The following EPB41L4A variants were observed in gnomAD, a reference collection of about 807,000 sequenced individuals.
The protein encoded by EPB41L4A is band 4.1-like protein 4A.
Under a neutral mutation model 108.6 loss-of-function variants are expected in EPB41L4A, and 100 were observed. The observed-to-expected ratio is 0.92, with a 90% confidence interval of 0.78 to 1.09. The LOEUF (loss-of-function observed/expected upper bound fraction) is 1.09, where lower values mean the gene tolerates loss of function less well. EPB41L4A is among the 50% of genes least tolerant of loss of function. The pLI is 0.00. For synonymous variants in EPB41L4A, 319 were observed against 289.0 expected (o/e 1.10, Z -1.05); for missense variants, 1,030 against 842.7 (o/e 1.22, Z -2.75).
chr5:112,221,165 C>T (rs916747692), intron 12 of EPB41L4A, among the ~76,000 whole-genome samples: 1 of 152,148 alleles, frequency 6.6e-6, no homozygotes, highest in Non-Finnish European at 1.5e-5. Context: ...GTTGCATACA[C>T]GAGCCTGAAA....
intron 2 of EPB41L4A, among the ~76,000 whole-genome samples, chr5:112,306,626 T>C (rs1037966452): frequency 6.6e-6 from 1 of 152,146 alleles, no homozygotes; most frequent in African/African-American, 2.4e-5. Context: ...GCAAGTCAAA[T>C]AGGGTATTTC....
chr5:112,385,400 A>G (rs1178927099), intron 1 of EPB41L4A, among the ~76,000 whole-genome samples: 1 of 152,090 alleles, frequency 6.6e-6, no homozygotes, highest in Non-Finnish European at 1.5e-5. Context: ...GTTTTTAATC[A>G]ACACTAGGCA....
intron 1 of EPB41L4A, chr5:112,363,715 T>G (rs144047315): frequency 1.1e-3 from 163 of 146,646 alleles, no homozygotes; most frequent in African/African-American, 3.9e-3. Context: ...CACTTACCAT[T>G]TGATGATTCT....
At chr5:112,144,648 A>G (rs1353428735) in intron 13 of EPB41L4A, among the ~76,000 whole-genome samples, 1 of 152,170 alleles carries the variant, frequency 6.6e-6, no homozygotes, top group Non-Finnish European at 1.5e-5. Context: ...CAAAGATGAT[A>G]TCTTTTGTGA....
intron 12 of EPB41L4A, among the ~76,000 whole-genome samples, chr5:112,214,073 A>G (rs75142049): frequency 3.3e-4 from 51 of 152,262 alleles, no homozygotes; most frequent in Non-Finnish European, 5.6e-4. Flanking sequence ...CTGACTTTCC[A>G]TTTTGTTAAC....
chr5:112,398,161 A>C (rs1761490947), intron 1 of EPB41L4A, among the ~76,000 whole-genome samples: 1 of 152,222 alleles, frequency 6.6e-6, no homozygotes, highest in Non-Finnish European at 1.5e-5. Context: ...CTTAGAAATT[A>C]CTTAGTCCAA....
chr5:112,271,330 T>C (rs1357178824), intron 4 of EPB41L4A, among the ~76,000 whole-genome samples: 2 of 152,216 alleles, frequency 1.3e-5, no homozygotes, highest in Non-Finnish European at 2.9e-5. Context: ...TTTGAAAATA[T>C]AAAACAATAA....
intron 1 of EPB41L4A, among the ~76,000 whole-genome samples, chr5:112,406,932 A>T (rs1160680417): frequency 6.6e-6 from 1 of 151,560 alleles, no homozygotes; most frequent in African/African-American, 2.4e-5. Flanking sequence ...ACTGAAACCC[A>T]CTCTGTTGTA....
At chr5:112,271,550 G>A (rs1031084830) in intron 4 of EPB41L4A, among the ~76,000 whole-genome samples, 11 of 152,172 alleles carry the variant, frequency 7.2e-5, no homozygotes, top group African/African-American at 2.7e-4. Context: ...GACAAAGCAA[G>A]GATGCAGACC....
At chr5:112,172,250 C>T (rs10068405) in intron 18 of EPB41L4A, among the ~76,000 whole-genome samples, 30,387 of 152,156 alleles carry the variant, frequency 0.2, 3,860 homozygotes, top group East Asian at 0.44. Flanking sequence ...GTGGCTCAAG[C>T]CTGTAATCCC....
chr5:112,151,454 C>A (rs1247396485), intron 12 of EPB41L4A, among the ~76,000 whole-genome samples: 3 of 151,614 alleles, frequency 2.0e-5, no homozygotes, highest in African/African-American at 7.3e-5. Flanking sequence ...GTCGCCCCGA[C>A]TGGAGTGCAG....
At chr5:112,290,238 T>C (rs1407081400) in intron 2 of EPB41L4A, among the ~76,000 whole-genome samples, 2 of 152,222 alleles carry the variant, frequency 1.3e-5, no homozygotes, top group Non-Finnish European at 2.9e-5. Context: ...AATAAAGTGG[T>C]CTGATGAAAG....
chr5:112,264,188 A>G (rs1285837191), intron 6 of EPB41L4A: 1 of 152,248 alleles, frequency 6.6e-6, no homozygotes, highest in Non-Finnish European at 1.5e-5. Flanking sequence ...CAGGGAATAA[A>G]GCAATGTTAA....
chr5:112,157,932 A>G (rs1439370435), downstream of EPB41L4A, among the ~76,000 whole-genome samples: 1 of 152,202 alleles, frequency 6.6e-6, no homozygotes, highest in Non-Finnish European at 1.5e-5. Context: ...GAGGAAGCAG[A>G]GACTAGGTAG....
At chr5:112,324,674 A>G (rs1246141887) in intron 1 of EPB41L4A, among the ~76,000 whole-genome samples, 1 of 149,304 alleles carries the variant, frequency 6.7e-6, no homozygotes, top group Non-Finnish European at 1.5e-5. Flanking sequence ...GTGAGCCGAG[A>G]TCACACCACT....
Position 112,204,410 on chromosome 5 carries a change from T to G in EPB41L4A, c.1341A>C (p.Gly447=), listed in dbSNP as rs560756820. The change falls in exon 15 of 23, where the codon GGA becomes GGC. Residue 447 remains glycine, a synonymous_variant. Transcript: ENST00000261486. ...PYTRRRNPSC[G]SDNDSVQPVR... ...CAGGCTGTACAGAATCATTGTCACTTCCACAGGAGGGGTTTCGGCGACGCG... is the reference window on the plus strand; with the variant it reads ...CAGGCTGTACAGAATCATTGTCACTGCCACAGGAGGGGTTTCGGCGACGCG... 6.2e-7 allele frequency: 1 copy of G among 1,613,894 alleles called. No individual in the cohort carries two copies. Among genetic ancestry groups the G allele is most frequent in the Admixed American group, 1.7e-5 (1 of 60,020 alleles).
At chr5:112,265,738 A>G (rs1751803171) in intron 5 of EPB41L4A, among the ~76,000 whole-genome samples, 1 of 152,040 alleles carries the variant, frequency 6.6e-6, no homozygotes, top group Non-Finnish European at 1.5e-5. Context: ...TCAGTCTCCA[A>G]AATGACAATG....
chr5:112,209,483 C>T (rs1012038967), intron 13 of EPB41L4A, among the ~76,000 whole-genome samples: 1 of 152,212 alleles, frequency 6.6e-6, no homozygotes, highest in Non-Finnish European at 1.5e-5. Context: ...ATGCCATAAA[C>T]CCTCTTTCCA....
At chr5:112,252,400 T>A (rs1197262792) in intron 9 of EPB41L4A, among the ~76,000 whole-genome samples, 1 of 151,988 alleles carries the variant, frequency 6.6e-6, no homozygotes, top group Non-Finnish European at 1.5e-5. Context: ...CCAGAGCTCC[T>A]CGGAAGAATG....
Sources: allele counts gnomAD v4.1 joint callset (sites outside exome capture counted in the v4.1 genomes callset), GRCh38; gene constraint gnomAD v4.1.1; transcripts MANE v1.5; gene names NCBI Gene and HGNC (gene_info 2026-07-23, HGNC 2026-07-21).